Variants in TMEM39B observed in about 807,000 individuals in gnomAD.
TMEM39B encodes transmembrane protein 39B.
TMEM39B carries 23 observed loss-of-function variants against 52.2 expected under a neutral mutation model. That is an observed-to-expected ratio of 0.44 (90% CI 0.32 to 0.62). TMEM39B has a LOEUF of 0.62. Among genes scored for constraint, TMEM39B ranks in the 20% least tolerant of loss-of-function variants. The probability of loss-of-function intolerance (pLI) is 0.06; values close to 1 mark genes in which losing one functional copy is unlikely to be tolerated. For synonymous variants in TMEM39B, 285 were observed against 264.0 expected, an observed-to-expected ratio of 1.08 and a Z score of -0.77; for missense variants, 547 against 642.0, an observed-to-expected ratio of 0.85 and a Z score of 1.60.
chr1:32,076,939 G>T, intron 4 of TMEM39B, 93 bp downstream of exon 4: 1 of 1,451,772 alleles, frequency 6.9e-7, no homozygotes, highest in Non-Finnish European at 9.6e-7. Flanking sequence ...CAGCCTTAGG[G>T]TATTTCCTTG....
At chr1:32,082,064 GT>G (rs1640121051) in intron 5 of TMEM39B, among the ~76,000 whole-genome samples, 1 of 152,002 alleles carries the variant, frequency 6.6e-6, no homozygotes, top group Admixed American at 6.6e-5. Flanking sequence ...ATATTTTTAA[GT>G]TTCTGTTGGT....
chr1:32,081,190 A>G (rs909695324), intron 5 of TMEM39B, among the ~76,000 whole-genome samples: 19 of 150,076 alleles, frequency 1.3e-4, no homozygotes, highest in East Asian at 4.0e-4. Flanking sequence ...GGGTTTTTTT[A>G]TTTGTTTGTT....
At chr1:32,075,453 G>T in intron 2 of TMEM39B, 150 bp from the exon 3 acceptor site, 1 of 787,880 alleles carries the variant, frequency 1.3e-6, no homozygotes, top group Non-Finnish European at 2.0e-6. Flanking sequence ...AGGCTTTGTC[G>T]GGTTCCTTTG....
At chr1:32,088,703 AC>A (rs1477902973) in intron 5 of TMEM39B, among the ~76,000 whole-genome samples, 2 of 152,020 alleles carry the variant, frequency 1.3e-5, no homozygotes, top group Non-Finnish European at 2.9e-5. Context: ...GCAGTCTGTC[AC>A]CAAATAATTT....
intron 3 of TMEM39B, 182 bp from the exon 4 acceptor site, chr1:32,076,581 T>C (rs1639870526): frequency 2.8e-6 from 2 of 709,930 alleles, no homozygotes; most frequent in African/African-American, 1.7e-5. Flanking sequence ...CCCACTTCCC[T>C]TCTCGGGGTC....
chr1:32,080,436 C>T (rs1640046976), intron 5 of TMEM39B, among the ~76,000 whole-genome samples: 1 of 151,016 alleles, frequency 6.6e-6, no homozygotes, highest in Non-Finnish European at 1.5e-5. Context: ...GAGGCTGAGG[C>T]GGGTGGATCA....
At chr1:32,085,820 A>C (rs1318889969) in intron 5 of TMEM39B, among the ~76,000 whole-genome samples, 2 of 151,384 alleles carry the variant, frequency 1.3e-5, no homozygotes, top group Non-Finnish European at 2.9e-5. Context: ...TTTCTGTTTC[A>C]TGCTGCTTGT....
chr1:32,095,952 AAGAT>A (rs757746834), intron 7 of TMEM39B, among the ~76,000 whole-genome samples: 2 of 152,174 alleles, frequency 1.3e-5, no homozygotes, highest in Non-Finnish European at 2.9e-5. Context: ...GAGGAATAGA[AAGAT>A]AGAACATAGC....
At chr1:32,072,787 T>G, upstream of TMEM39B, 1 of 536,448 alleles carries the variant, frequency 1.9e-6, no homozygotes. Context: ...CTCTTGAGTC[T>G]CTTCACCAGC....
At chr1:32,090,732 C>T (rs900393593) in intron 5 of TMEM39B, among the ~76,000 whole-genome samples, 1 of 152,078 alleles carries the variant, frequency 6.6e-6, no homozygotes, top group South Asian at 2.1e-4. Flanking sequence ...CTCCACCTCC[C>T]GGGTTCACGC....
intron 5 of TMEM39B, among the ~76,000 whole-genome samples, chr1:32,083,194 C>T (rs1208247947): frequency 6.8e-6 from 1 of 148,030 alleles, no homozygotes; most frequent in Non-Finnish European, 1.5e-5. Flanking sequence ...AAGTGATTCT[C>T]CTCCCTCAGC....
intron 1 of TMEM39B, chr1:32,073,934 A>G (rs908299075): frequency 5.2e-5 from 51 of 973,282 alleles, no homozygotes; most frequent in Non-Finnish European, 6.2e-5. Context: ...TTTTTAATAG[A>G]GACCGGGTTT....
intron 5 of TMEM39B, among the ~76,000 whole-genome samples, chr1:32,080,606 G>C (rs1268658812): frequency 6.7e-6 from 1 of 150,148 alleles, no homozygotes; most frequent in Non-Finnish European, 1.5e-5. Context: ...GGCGGAGCTT[G>C]CAGTGAGCCA....
At chr1:32,086,672 T>G (rs1640362295) in intron 5 of TMEM39B, among the ~76,000 whole-genome samples, 1 of 149,208 alleles carries the variant, frequency 6.7e-6, no homozygotes, top group East Asian at 2.0e-4. Flanking sequence ...GAGGCTGAGG[T>G]GGGAGGATGG....
intron 5 of TMEM39B, among the ~76,000 whole-genome samples, chr1:32,086,349 G>C (rs958561232): frequency 2.0e-4 from 31 of 152,264 alleles, no homozygotes; most frequent in Admixed American, 1.8e-3. Flanking sequence ...TTCTAGACTT[G>C]TACCGTCCAG....
At chr1:32,099,076 C>G (rs1037724508) in intron 7 of TMEM39B, among the ~76,000 whole-genome samples, 6 of 152,084 alleles carry the variant, frequency 3.9e-5, no homozygotes, top group Middle Eastern at 3.2e-3. Context: ...CATGGCGAAA[C>G]CCCGTCTCTA....
At chr1:32,076,664 G>A (rs1361452696) in intron 3 of TMEM39B, 99 bp from the exon 4 acceptor site, 1 of 1,205,842 alleles carries the variant, frequency 8.3e-7, no homozygotes, top group South Asian at 1.2e-5. Context: ...AATGAGGACA[G>A]TCTCTGTGGA....
chr1:32,094,836 C>A lies in TMEM39B; in HGVS notation c.980C>A (p.Ser327Tyr), dbSNP rs1319314679. 4 of 1,614,202 alleles carry A rather than the reference C, an allele frequency of 2.5e-6. No individual in the cohort carries two copies. Among genetic ancestry groups the A allele is most frequent in the Non-Finnish European group, 3.4e-6 (4 of 1,180,026 alleles). The change falls in exon 7 of 9, where the codon TCC becomes TAC. Residue 327 changes from serine (S) to tyrosine (Y), a missense_variant. Transcript: ENST00000336294. ...RWSCELFLLV[S>Y]ISTSVILMQH... Reference sequence around the variant, plus strand: ...TCCTGTGAACTCTTCCTGCTGGTGTCCATCAGCACCTCCGTGATCCTCATG... The same window carrying A: ...TCCTGTGAACTCTTCCTGCTGGTGTACATCAGCACCTCCGTGATCCTCATG...
chr1:32,076,756 CT>C lies in TMEM39B; in HGVS notation c.352-6del, dbSNP rs1639879029. 1 of 1,614,096 alleles carries C rather than the reference CT, an allele frequency of 6.2e-7. No individual in the cohort carries two copies. The highest frequency in any genetic ancestry group is 1.1e-5 in the South Asian group (1 of 91,080). ...CACATGACCCCCAGGCCTCTGCCCC[CT>C]GACAGAACTTCCATCTGATCGACTT... is the stretch of plus-strand genomic sequence containing the variant. On this transcript the variant is annotated splice_region_variant and splice_polypyrimidine_tract_variant and intron_variant, in intron 3 of 8. Coordinates refer to ENST00000336294, the MANE Select transcript of TMEM39B (RefSeq NM_018056.4).
Sources: allele counts gnomAD v4.1 joint callset (sites outside exome capture counted in the v4.1 genomes callset), GRCh38; gene constraint gnomAD v4.1.1; transcripts MANE v1.5; gene names NCBI Gene and HGNC (gene_info 2026-07-23, HGNC 2026-07-21).